CXCL12: variants seen among roughly 807,000 people sequenced by gnomAD.
CXCL12 encodes stromal cell-derived factor 1.
In CXCL12, 4 loss-of-function variants were observed where a neutral mutation model predicts 10.7. That is an observed-to-expected ratio of 0.37 (90% CI 0.18 to 0.86). The LOEUF (loss-of-function observed/expected upper bound fraction) is 0.86, where lower values mean the gene tolerates loss of function less well. Among genes scored for constraint, CXCL12 ranks in the 40% least tolerant of loss-of-function variants. The pLI is 0.43. For missense variants in CXCL12, 122 were observed against 110.4 expected, an observed-to-expected ratio of 1.10 and a Z score of -0.47; for synonymous variants, 54 against 45.4, an observed-to-expected ratio of 1.19 and a Z score of -0.77.
intron 1 of CXCL12, among the ~76,000 whole-genome samples, chr10:44,384,429 G>C (rs1839732929): frequency 6.6e-6 from 1 of 152,194 alleles, no homozygotes; most frequent in Non-Finnish European, 1.5e-5. Context: ...CGCAGGGAGC[G>C]GAGGCTGCGC....
Position 44,377,676 on chromosome 10 carries a change from A to T in CXCL12, c.*957T>A. 1 of 1,578,138 alleles carries T rather than the reference A, an allele frequency of 6.3e-7. No homozygotes were observed. Among genetic ancestry groups the T allele is most frequent in the East Asian group, 2.3e-5 (1 of 43,952 alleles). The stretch of plus-strand genomic sequence containing the variant: ...GGCAATCACAAAACCCAGTCACTCA[A>T]AGCGAGCTCTCAGATTTAAAATTGC... On this transcript the variant is annotated 3_prime_UTR_variant, in exon 3 of 3. Coordinates refer to ENST00000343575, the MANE Select transcript of CXCL12 (RefSeq NM_199168.4).
downstream of CXCL12, chr10:44,376,951 G>T: frequency 1.4e-5 from 3 of 217,166 alleles, no homozygotes; most frequent in Non-Finnish European, 2.3e-5. Flanking sequence ...TTGAGCTGCA[G>T]ATCTAATCTG....
At chr10:44,384,858 G>C in intron 1 of CXCL12, 87 bp downstream of exon 1, 2 of 1,350,750 alleles carry the variant, frequency 1.5e-6, no homozygotes, top group African/African-American at 1.5e-5. Context: ...CGCAAACTGC[G>C]GGCGCAGGCA....
At chr10:44,379,634 G>T (rs1839566702) in intron 2 of CXCL12, among the ~76,000 whole-genome samples, 1 of 152,152 alleles carries the variant, frequency 6.6e-6, no homozygotes, top group Non-Finnish European at 1.5e-5. Context: ...TCCAAATCTG[G>T]GGCCTATTCT....
At chr10:44,376,422 G>A (rs1452725346), downstream of CXCL12, among the ~76,000 whole-genome samples, 2 of 152,222 alleles carry the variant, frequency 1.3e-5, no homozygotes, top group African/African-American at 4.8e-5. Context: ...ATGCAGGGCT[G>A]AACTCTTAGC....
Position 44,378,220 on chromosome 10 carries a change from G to C in CXCL12, c.*413C>G. ...CTGACTGTGCCCAGACTCCCCAGGG[G>C]AGCAGAGGAGATGCTCCAAACAAGC... On this transcript the variant is annotated 3_prime_UTR_variant, in exon 3 of 3. Coordinates refer to ENST00000343575, the MANE Select transcript of CXCL12 (RefSeq NM_199168.4). The C allele has an allele frequency of 6.9e-7, 1 of 1,452,494 alleles. No individual in the cohort carries two copies. The highest frequency in any genetic ancestry group is 9.2e-7 in the Non-Finnish European group (1 of 1,092,774). 90.0% of individuals were successfully genotyped at this position (1,452,494 alleles called of 1,614,324 possible).
intron 1 of CXCL12, among the ~76,000 whole-genome samples, chr10:44,382,063 T>C (rs577777653): frequency 6.6e-6 from 1 of 152,294 alleles, no homozygotes; most frequent in Non-Finnish European, 1.5e-5. Context: ...TTGCATTGTG[T>C]ATTCAGCCAC....
chr10:44,380,769 T>C lies in CXCL12; in HGVS notation c.173A>G (p.Gln58Arg), dbSNP rs1839605528. Residue 58 changes from glutamine (Q) to arginine (R), a missense_variant, in exon 2 of 3, where the codon CAG becomes CGG. By Grantham distance (43) the Gln-to-Arg change is conservative. Coordinates refer to ENST00000343575, the MANE Select transcript of CXCL12 (RefSeq NM_199168.4). ...GTTCAATTTCAAGACTTACACAATC[T>C]GAAGGGCACAGTTTGGAGTGTTGAG... ...KILNTPNCAL[Q>R]IVARLKNNNR... The C allele has an allele frequency of 2.5e-6, 4 of 1,613,028 alleles. No homozygotes were observed. The highest frequency in any genetic ancestry group is 3.4e-6 in the Non-Finnish European group (4 of 1,178,934).
At chr10:44,370,281 T>A (rs1038898248) in exon 4 of CXCL12, 3 of 152,582 alleles carry the variant, frequency 2.0e-5, no homozygotes, top group African/African-American at 7.2e-5. Context: ...ATTTATTTTT[T>A]AAAGCACGCT....
At chr10:44,380,694 G>A (rs1190418154) in intron 2 of CXCL12, 69 bp downstream of exon 2, 22 of 1,317,262 alleles carry the variant, frequency 1.7e-5, no homozygotes, top group African/African-American at 1.2e-4. Context: ...AATAAGACTC[G>A]GGTTAGATGT....
intron 2 of CXCL12, among the ~76,000 whole-genome samples, chr10:44,380,127 C>T (rs962517024): frequency 2.0e-5 from 3 of 152,228 alleles, no homozygotes; most frequent in African/African-American, 7.2e-5. Flanking sequence ...AAGCACATGG[C>T]TTTCTTCCCG....
chr10:44,373,463 C>T (rs576614252), downstream of CXCL12: 60 of 856,456 alleles, frequency 7.0e-5, no homozygotes, highest in South Asian at 7.3e-4. Context: ...CAAGTTGCCA[C>T]CTTGGCCATG....
downstream of CXCL12, chr10:44,374,211 T>TG: frequency 2.9e-6 from 1 of 346,740 alleles, no homozygotes; most frequent in South Asian, 2.2e-5. Flanking sequence ...CAGCCTTAGC[T>TG]GGGCCCTCTG....
At chr10:44,372,985 C>T (rs1446714683), downstream of CXCL12, 12 of 1,535,928 alleles carry the variant, frequency 7.8e-6, no homozygotes, top group African/African-American at 1.4e-5. Context: ...CTCCCTCAGC[C>T]CAGTCTCCCC....
chr10:44,385,027 G>T lies in CXCL12; in HGVS notation c.-22C>A. Reference sequence around the variant, plus strand: ...TCATGGCGCGGGCGGGCGGGCGGGCGGGCGGACGAGCGCGGGTCGGGGGCC... The same window carrying T: ...TCATGGCGCGGGCGGGCGGGCGGGCTGGCGGACGAGCGCGGGTCGGGGGCC... On this transcript the variant is annotated 5_prime_UTR_variant, in exon 1 of 3. Coordinates refer to ENST00000343575, the MANE Select transcript of CXCL12 (RefSeq NM_199168.4). The T allele has an allele frequency of 1.4e-6, 2 of 1,434,524 alleles. No homozygotes were observed. The highest frequency in any genetic ancestry group is 1.8e-6 in the Non-Finnish European group (2 of 1,081,712). 88.9% of individuals were successfully genotyped at this position (1,434,524 alleles called of 1,614,324 possible). A position where few individuals can be genotyped will look rare whatever the true frequency, so the allele number is the denominator to read the frequency against.
chr10:44,383,240 A>G (rs1839685716), intron 1 of CXCL12, among the ~76,000 whole-genome samples: 1 of 152,184 alleles, frequency 6.6e-6, no homozygotes. Context: ...AAAACAAAAC[A>G]AAACATTCTG....
chr10:44,379,931 A>G (rs1349451792), intron 2 of CXCL12, among the ~76,000 whole-genome samples: 1 of 152,212 alleles, frequency 6.6e-6, no homozygotes, highest in Non-Finnish European at 1.5e-5. Context: ...CTAAAATCAA[A>G]AGTAAAAACA....
At chr10:44,371,373 G>A (rs530712478), downstream of CXCL12, 2 of 479,750 alleles carry the variant, frequency 4.2e-6, no homozygotes, top group African/African-American at 3.9e-5. Context: ...AGTTCTACGT[G>A]ACAGATTTTA....
chr10:44,374,733 G>A (rs1459065245), downstream of CXCL12: 2 of 453,314 alleles, frequency 4.4e-6, no homozygotes, highest in Non-Finnish European at 8.9e-6. Flanking sequence ...TGAATTCCAT[G>A]TGCTCCATCC....
Sources: allele counts gnomAD v4.1 joint callset (sites outside exome capture counted in the v4.1 genomes callset), GRCh38; gene constraint gnomAD v4.1.1; transcripts MANE v1.5; gene names NCBI Gene and HGNC (gene_info 2026-07-23, HGNC 2026-07-21).